The following RINL variants were observed in gnomAD, a reference collection of about 807,000 sequenced individuals.
The protein encoded by RINL is Ras and Rab interactor like, also known as ras and Rab interactor-like protein.
Under a neutral mutation model 58.1 loss-of-function variants are expected in RINL, and 39 were observed. The observed-to-expected ratio is 0.67, with a 90% confidence interval of 0.52 to 0.88. The LOEUF is 0.88. Ranked by LOEUF, RINL falls within the 40% of genes least tolerant of loss-of-function variation. RINL has a pLI of 0.00. For missense variants in RINL, 711 were observed against 749.2 expected, an observed-to-expected ratio of 0.95 and a Z score of 0.60; for synonymous variants, 286 against 323.1, an observed-to-expected ratio of 0.89 and a Z score of 1.23.
intron 3 of RINL, among the ~76,000 whole-genome samples, chr19:38,874,724 A>T (rs1269577570): frequency 1.3e-5 from 2 of 152,324 alleles, no homozygotes; most frequent in South Asian, 2.1e-4. Context: ...TTCCTTGCAG[A>T]ATTCCTTGTT....
At chr19:38,871,914 G>T in intron 4 of RINL, 44 bp from the exon 5 acceptor site, 2 of 1,494,122 alleles carry the variant, frequency 1.3e-6, no homozygotes, top group South Asian at 2.3e-5. Context: ...CTTGAGTGGT[G>T]GCAGTTTTCT....
At position 38,870,825 on chromosome 19, in the gene RINL, C is replaced by A. The variant is rs772185419; in HGVS notation, c.769G>T (p.Asp257Tyr). 2 of 1,610,146 alleles carry A rather than the reference C, an allele frequency of 1.2e-6. No homozygotes were observed. Among genetic ancestry groups the A allele is most frequent in the East Asian group, 4.5e-5 (2 of 44,882 alleles). ...EDDPEEEGPE[D>Y]VLTIHVQSLV... ...GACTGGACGTGAATGGTGAGCACGT[C>A]CTCAGGGCCTTCCTCTTCAGGGTCG... The change falls in exon 8 of 12, where the codon GAC (aspartate) becomes TAC (tyrosine). Residue 257 changes from aspartate to tyrosine, a missense_variant. By Grantham distance (160) the Asp-to-Tyr change is radical (BLOSUM62 -3). Transcript: ENST00000591812. This position sits in a 1 kb window ranked among gnomAD's most constrained non-coding sequence, Gnocchi z 5.8.
chr19:38,875,207 C>CTTTT (rs1303981479), intron 3 of RINL, among the ~76,000 whole-genome samples: 1 of 141,760 alleles, frequency 7.1e-6, no homozygotes, highest in Non-Finnish European at 1.5e-5. Context: ...TTTTTTTTTT[C>CTTTT]TTTTTTCTTT....
rs868521143 is a variant in RINL, at chr19:38,869,497, G to T, written c.1474+76C>A. ...CTGCAGTTTGCCTGCCGTCCCTCCT[G>T]CTGCGGGGGGAGGCTGTTTGGGATC... On this transcript the variant is annotated intron_variant, in intron 10 of 11. Coordinates refer to ENST00000591812, the MANE Select transcript of RINL (RefSeq NM_001195833.2). The surrounding 1 kb of genome is among the most constrained non-coding windows in gnomAD (Gnocchi z 5.7). The T allele has an allele frequency of 1.1e-4, 174 of 1,592,554 alleles. No individual in the cohort carries two copies. In the African/African-American group the frequency reaches 2.0e-3, roughly 18 times the overall value.
rs771347348 is a variant in RINL, at chr19:38,873,849, T to C, written c.313+37A>G. On this transcript the variant is annotated intron_variant, in intron 4 of 11. Transcript: ENST00000591812. ...CCAGCTGATAGTTCTTAGTGATCAA[T>C]TGACTGTGGGCTGGAACCTCAGGGG... 8 of 1,284,868 alleles carry C rather than the reference T, an allele frequency of 6.2e-6. No individual in the cohort carries two copies. The South Asian group carries it at 7.6e-5, about 12-fold the overall frequency. 79.6% of individuals were successfully genotyped at this position (1,284,868 alleles called of 1,614,324 possible). A position where few individuals can be genotyped will look rare whatever the true frequency, so the allele number is the denominator to read the frequency against.
chr19:38,874,293 G>C (rs889001979), intron 3 of RINL, among the ~76,000 whole-genome samples: 10 of 150,262 alleles, frequency 6.7e-5, no homozygotes, highest in Non-Finnish European at 1.2e-4. Context: ...TTTTTTTTGA[G>C]ACGGAGTCTT....
intron 1 of RINL, 121 bp from the exon 2 acceptor site, chr19:38,876,902 T>A: frequency 1.6e-6 from 1 of 622,840 alleles, no homozygotes; most frequent in Non-Finnish European, 2.9e-6. Context: ...CCGCTTGCCG[T>A]GGCAGGGGTT....
At position 38,876,461 on chromosome 19, in the gene RINL, T is replaced by C; in HGVS notation, c.80A>G (p.Asp27Gly). ...RLVPPQVNKA[D>G]RTPLGVLSTL... ...GCTGAGGACCCCTAGAGGGGTCCTG[T>C]CTGCTTTGTTCACCTGTGGTGGGAC... Residue 27 changes from aspartate to glycine, a missense_variant, in exon 3 of 12, where the codon GAC (aspartate) becomes GGC (glycine). Physicochemically the swap from Asp to Gly is moderately conservative, Grantham distance 94. Coordinates refer to ENST00000591812, the MANE Select transcript of RINL (RefSeq NM_001195833.2). 2 of 1,536,052 alleles carry C rather than the reference T, an allele frequency of 1.3e-6. No homozygotes were observed. The highest frequency in any genetic ancestry group is 1.4e-5 in the African/African-American group (1 of 73,168).
intron 3 of RINL, 26 bp from the exon 4 acceptor site, chr19:38,874,014 G>A (rs1157989930): frequency 4.4e-6 from 6 of 1,375,614 alleles, no homozygotes; most frequent in South Asian, 2.5e-5. Context: ...AAAGGCCAGC[G>A]TGACAAAGGT....
Position 38,873,293 on chromosome 19 carries a change from AATAG to A in RINL, c.313+589_313+592del, listed in dbSNP as rs563235085. Among the ~76,000 whole-genome samples, 475 of 152,304 alleles carry A rather than the reference AATAG, an allele frequency of 3.1e-3. 2 individuals carry two copies. Among genetic ancestry groups the A allele is most frequent in the Admixed American group, 0.013 (198 of 15,286 alleles). On this transcript the variant is annotated intron_variant, in intron 4 of 11. Coordinates refer to ENST00000591812, the MANE Select transcript of RINL (RefSeq NM_001195833.2). ...GTATGGGGCAGAGTGAATGAGGGGC[AATAG>A]ATAGAGAGACAGGAAGGAACTACAT...
At chr19:38,876,870 C>A in intron 1 of RINL, 89 bp from the exon 2 acceptor site, 1 of 740,174 alleles carries the variant, frequency 1.4e-6, no homozygotes, top group South Asian at 1.6e-5. Context: ...AGACCCTGAC[C>A]AATCAGAATG....
Position 38,870,708 on chromosome 19 carries a change from C to T in RINL, c.886G>A (p.Gly296Arg). Reference protein sequence around the residue: ...ASDSGGPHGSGDPATELLQDV... With the variant: ...ASDSGGPHGSRDPATELLQDV... ...TGAAGCAGCTCCGTGGCCGGGTCCC[C>T]AGACCCGTGGGGACCCCCAGAATCT... is the stretch of plus-strand genomic sequence containing the variant. The change falls in exon 8 of 12, where the codon GGG becomes AGG. Residue 296 changes from glycine (G) to arginine (R), a missense_variant. Coordinates refer to ENST00000591812, the MANE Select transcript of RINL (RefSeq NM_001195833.2). This position sits in a 1 kb window ranked among gnomAD's most constrained non-coding sequence, Gnocchi z 5.8. The T allele has an allele frequency of 6.2e-7, 1 of 1,613,640 alleles. No homozygotes were observed. The highest frequency in any genetic ancestry group is 8.5e-7 in the Non-Finnish European group (1 of 1,179,946).
At position 38,872,465 on chromosome 19, in the gene RINL, G is replaced by A. The variant is rs191735220; in HGVS notation, c.314-595C>T. ...TAAGCCATTGCACTCCAGCCTGGGC[G>A]ACAAAAGTGAGACTATCTCAATAAA... is the stretch of plus-strand genomic sequence containing the variant. On this transcript the variant is annotated intron_variant, in intron 4 of 11. Transcript: ENST00000591812. Among the ~76,000 whole-genome samples the A allele has an allele frequency of 2.4e-4, 36 of 151,972 alleles. No homozygotes were observed. The East Asian group carries it at 5.6e-3, about 24-fold the overall frequency.
Position 38,870,131 on chromosome 19 carries a change from G to C in RINL, c.1154C>G (p.Ala385Gly), listed in dbSNP as rs1486903180. The C allele has an allele frequency of 4.2e-6, 6 of 1,414,596 alleles. No homozygotes were observed. Among genetic ancestry groups the C allele is most frequent in the Admixed American group, 3.3e-5 (1 of 30,226 alleles). 87.6% of individuals were successfully genotyped at this position (1,414,596 alleles called of 1,614,324 possible). A position where few individuals can be genotyped will look rare whatever the true frequency, so the allele number is the denominator to read the frequency against. The change falls in exon 9 of 12, where the codon GCG (alanine) becomes GGG (glycine). Residue 385 changes from alanine to glycine, a missense_variant. Ala to Gly is a moderately conservative substitution (Grantham distance 60). Coordinates refer to ENST00000591812, the MANE Select transcript of RINL (RefSeq NM_001195833.2). This position sits in a 1 kb window ranked among gnomAD's most constrained non-coding sequence, Gnocchi z 5.8. ...CTGTGCCCCCGGAGGCCCCGCCCCC[G>C]CCCGCAGGGCTGTCTGTCGCCGCCG... is the stretch of plus-strand genomic sequence containing the variant. Reference protein sequence around the residue: ...RLRRRQTALRAGAGPPGAQGP... With the variant: ...RLRRRQTALRGGAGPPGAQGP...
At position 38,870,826 on chromosome 19, in the gene RINL, C is replaced by G; in HGVS notation, c.768G>C (p.Glu256Asp). ...REDDPEEEGP[E>D]DVLTIHVQSL... is the part of the protein sequence containing the mutation. ...ACTGGACGTGAATGGTGAGCACGTC[C>G]TCAGGGCCTTCCTCTTCAGGGTCGT... Residue 256 changes from glutamate to aspartate, a missense_variant, in exon 8 of 12, where the codon GAG becomes GAC. Coordinates refer to ENST00000591812, the MANE Select transcript of RINL (RefSeq NM_001195833.2). This position sits in a 1 kb window ranked among gnomAD's most constrained non-coding sequence, Gnocchi z 5.8. 1 of 1,610,168 alleles carries G rather than the reference C, an allele frequency of 6.2e-7. No homozygotes were observed. The highest frequency in any genetic ancestry group is 8.5e-7 in the Non-Finnish European group (1 of 1,180,002).
Position 38,876,703 on chromosome 19 carries a change from C to T in RINL, c.40G>A (p.Glu14Lys). 6.5e-7 allele frequency: 1 copy of T among 1,536,122 alleles called. No homozygotes were observed. The highest frequency in any genetic ancestry group is 8.7e-7 in the Non-Finnish European group (1 of 1,146,886). The change falls in exon 2 of 12, where the codon GAG becomes AAG. Residue 14 changes from glutamate to lysine, a missense_variant. Coordinates refer to ENST00000591812, the MANE Select transcript of RINL (RefSeq NM_001195833.2). ...PEDKAPEVPT[E>K]GVRLVPPQVN... ...CCCTAGTAGCCTCACCTCACCCCCT[C>T]TGTGGGGACTTCAGGTGCCTTGTCT...
chr19:38,875,135 A>G (rs1972892679), intron 3 of RINL, among the ~76,000 whole-genome samples: 2 of 151,868 alleles, frequency 1.3e-5, no homozygotes, highest in African/African-American at 4.8e-5. Flanking sequence ...ACTCCATCTC[A>G]AAAAATAATA....
At chr19:38,875,569 C>T (rs562290147) in intron 3 of RINL, among the ~76,000 whole-genome samples, 2 of 151,264 alleles carry the variant, frequency 1.3e-5, no homozygotes, top group African/African-American at 2.4e-5. Flanking sequence ...CCCAGCTACT[C>T]AGGAGGCTGA....
Position 38,869,808 on chromosome 19 carries a change from C to A in RINL, c.1343-104G>T. 1 of 1,562,476 alleles carries A rather than the reference C, an allele frequency of 6.4e-7. No individual in the cohort carries two copies. The highest frequency in any genetic ancestry group is 8.7e-7 in the Non-Finnish European group (1 of 1,149,926). On this transcript the variant is annotated intron_variant, in intron 9 of 11. Coordinates refer to ENST00000591812, the MANE Select transcript of RINL (RefSeq NM_001195833.2). This position sits in a 1 kb window ranked among gnomAD's most constrained non-coding sequence, Gnocchi z 5.7. Reference sequence around the variant, plus strand: ...CCACGAGGGCTGGCTGCCCCTCCACCTTGTCGGGCATGACAGCGCCTCCTA... The same window carrying A: ...CCACGAGGGCTGGCTGCCCCTCCACATTGTCGGGCATGACAGCGCCTCCTA...
Sources: allele counts gnomAD v4.1 joint callset (sites outside exome capture counted in the v4.1 genomes callset), GRCh38; gene constraint gnomAD v4.1.1; non-coding constraint Gnocchi (gnomAD v3.1); transcripts MANE v1.5; gene names NCBI Gene and HGNC (gene_info 2026-07-23, HGNC 2026-07-21).